TTC33: variants seen among roughly 807,000 people sequenced by gnomAD.
The protein encoded by TTC33 is tetratricopeptide repeat protein 33.
In TTC33, 24 loss-of-function variants were observed where a neutral mutation model predicts 29.4. The ratio of observed to expected loss-of-function variants is 0.82; its 90% CI spans 0.59 to 1.15. TTC33 has a LOEUF of 1.15. Among genes scored for constraint, TTC33 ranks in the 50% most tolerant of loss-of-function variants. The probability of loss-of-function intolerance (pLI) is 0.00; values close to 1 mark genes in which losing one functional copy is unlikely to be tolerated. For missense variants in TTC33, 286 were observed against 310.4 expected (o/e 0.92, Z 0.59); for synonymous variants, 107 against 100.3 (o/e 1.07, Z -0.40).
chr5:40,722,563 G>A (rs1267489552), intron 4 of TTC33, among the ~76,000 whole-genome samples: 2 of 151,080 alleles, frequency 1.3e-5, no homozygotes, highest in Admixed American at 6.6e-5. Flanking sequence ...CCGCGACCCC[G>A]TCTGGGAACT....
chr5:40,718,328 C>T (rs1285243421), intron 4 of TTC33, among the ~76,000 whole-genome samples: 1 of 152,088 alleles, frequency 6.6e-6, no homozygotes, highest in African/African-American at 2.4e-5. Context: ...ATTGTTTGAA[C>T]CCCGGAGGCA....
At chr5:40,736,879 AC>A (rs1328797695) in intron 2 of TTC33, among the ~76,000 whole-genome samples, 3 of 152,222 alleles carry the variant, frequency 2.0e-5, no homozygotes, top group African/African-American at 7.2e-5. Flanking sequence ...TACACTCTTA[AC>A]CACTATACTC....
Position 40,746,927 on chromosome 5 carries a change from T to G in TTC33, c.92A>C (p.Asp31Ala). 9.3e-6 allele frequency: 15 copies of G among 1,614,222 alleles called. No homozygotes were observed. The highest frequency in any genetic ancestry group is 1.2e-5 in the Non-Finnish European group (14 of 1,180,044). Reference sequence around the variant, plus strand: ...GTTCCCTTCATCGTTGTCAACTACATCCTTCTCATCAGCAGCTTCAGCTTC... The same window carrying G: ...GTTCCCTTCATCGTTGTCAACTACAGCCTTCTCATCAGCAGCTTCAGCTTC... ...QFEAEAADEK[D>A]VVDNDEGNWL... The change falls in exon 2 of 5, where the codon GAT (aspartate) becomes GCT (alanine). Residue 31 changes from aspartate (D) to alanine (A), a missense_variant. Physicochemically the swap from Asp to Ala is moderately radical, Grantham distance 126 (BLOSUM62 -2). Transcript: ENST00000337702.
At chr5:40,736,792 A>G (rs1263830946) in intron 2 of TTC33, among the ~76,000 whole-genome samples, 6 of 152,284 alleles carry the variant, frequency 3.9e-5, no homozygotes, top group Non-Finnish European at 7.4e-5. Context: ...AAATTGACAA[A>G]AAATAACTAC....
At chr5:40,745,856 T>A (rs1742779630) in intron 2 of TTC33, among the ~76,000 whole-genome samples, 1 of 152,050 alleles carries the variant, frequency 6.6e-6, no homozygotes, top group Non-Finnish European at 1.5e-5. Flanking sequence ...CACCTTGGCC[T>A]CCCAAAGTGC....
intron 4 of TTC33, among the ~76,000 whole-genome samples, chr5:40,727,335 G>C (rs1370331505): frequency 6.6e-6 from 1 of 152,120 alleles, no homozygotes; most frequent in Admixed American, 6.5e-5. Flanking sequence ...CTGTATATTA[G>C]ATTTGCAAAC....
At chr5:40,737,340 C>T (rs1016891793) in intron 2 of TTC33, among the ~76,000 whole-genome samples, 10 of 150,714 alleles carry the variant, frequency 6.6e-5, no homozygotes, top group African/African-American at 2.4e-4. Flanking sequence ...TACTATCCTA[C>T]AGGTGATGCA....
chr5:40,741,376 A>AAG (rs1314649708), intron 2 of TTC33, among the ~76,000 whole-genome samples: 1 of 152,212 alleles, frequency 6.6e-6, no homozygotes, highest in Non-Finnish European at 1.5e-5. Flanking sequence ...TGAATGGCTG[A>AAG]AGCTTGAATA....
chr5:40,736,210 G>A (rs765744550), intron 2 of TTC33, among the ~76,000 whole-genome samples: 27 of 152,150 alleles, frequency 1.8e-4, no homozygotes, highest in Non-Finnish European at 3.2e-4. Flanking sequence ...AGATGTGCTG[G>A]TGAGAAAATA....
At chr5:40,754,213 G>A (rs1438932331) in intron 1 of TTC33, among the ~76,000 whole-genome samples, 1 of 152,178 alleles carries the variant, frequency 6.6e-6, no homozygotes, top group Non-Finnish European at 1.5e-5. Context: ...GAGATCAGGG[G>A]CTGCAGAGGT....
intron 4 of TTC33, among the ~76,000 whole-genome samples, chr5:40,720,984 A>G (rs556472746): frequency 7.8e-4 from 119 of 152,304 alleles, no homozygotes; most frequent in Middle Eastern, 3.4e-3. Flanking sequence ...AACCACCTAC[A>G]GGAGACCAGA....
Position 40,716,273 on chromosome 5 carries a change from T to C in TTC33, c.661A>G (p.Lys221Glu), listed in dbSNP as rs767212504. ...TTATTTGCTGAAACTGTCTTCTCTT[T>C]CTCAGCAATAGCTGCACAAACAGCA... ...IVAVCAAIAE[K>E]EKTVSANKTM... is the part of the protein sequence containing the mutation. Residue 221 changes from lysine (K) to glutamate (E), a missense_variant, in exon 5 of 5, where the codon AAA becomes GAA. By Grantham distance (56) the Lys-to-Glu change is moderately conservative. Coordinates refer to ENST00000337702, the MANE Select transcript of TTC33 (RefSeq NM_012382.3). 1.9e-6 allele frequency: 3 copies of C among 1,614,240 alleles called. No individual in the cohort carries two copies. Among genetic ancestry groups the C allele is most frequent in the South Asian group, 1.1e-5 (1 of 91,084 alleles).
intron 4 of TTC33, among the ~76,000 whole-genome samples, chr5:40,722,809 G>A (rs962510452): frequency 8.6e-5 from 13 of 150,936 alleles, no homozygotes; most frequent in African/African-American, 1.5e-4. Context: ...CCGCCCATCC[G>A]GGAGGTGGGG....
intron 2 of TTC33, among the ~76,000 whole-genome samples, chr5:40,731,244 T>C (rs557228929): frequency 6.6e-6 from 1 of 152,122 alleles, no homozygotes; most frequent in South Asian, 2.1e-4. Flanking sequence ...AAGGAAAAGG[T>C]TGGACTGTTT....
intron 4 of TTC33, among the ~76,000 whole-genome samples, chr5:40,725,485 T>C (rs1035907846): frequency 1.3e-5 from 2 of 152,218 alleles, no homozygotes; most frequent in East Asian, 3.9e-4. Context: ...AGAGAAAACA[T>C]TAGTAAACAA....
chr5:40,738,195 T>C (rs1742597165), intron 2 of TTC33, among the ~76,000 whole-genome samples: 3 of 152,064 alleles, frequency 2.0e-5, no homozygotes, highest in Non-Finnish European at 4.4e-5. Flanking sequence ...GCAGATAACC[T>C]GAGGTCAGGA....
chr5:40,735,343 G>T (rs1742526446), intron 2 of TTC33, among the ~76,000 whole-genome samples: 1 of 152,094 alleles, frequency 6.6e-6, no homozygotes, highest in South Asian at 2.1e-4. Context: ...AGTAATTTAG[G>T]TATGAGATAA....
chr5:40,713,369 CA>C lies in TTC33; in HGVS notation c.*2775del, dbSNP rs926621154. On this transcript the variant is annotated 3_prime_UTR_variant, in exon 5 of 5. Coordinates refer to ENST00000337702, the MANE Select transcript of TTC33 (RefSeq NM_012382.3). ...AAACAACTAAAAGGGCTATACTGTT[CA>C]GTTATAATCTTAAAAATTCTAGCTG... 2.6e-5 allele frequency among the ~76,000 whole-genome samples: 4 copies of C among 152,094 alleles called. No homozygotes were observed. The highest frequency in any genetic ancestry group is 5.9e-5 in the Non-Finnish European group (4 of 67,998).
Position 40,716,469 on chromosome 5 carries a change from G to A in TTC33, c.465C>T (p.His155=). 1 of 1,598,900 alleles carries A rather than the reference G, an allele frequency of 6.3e-7. No individual in the cohort carries two copies. Among genetic ancestry groups the A allele is most frequent in the Non-Finnish European group, 8.5e-7 (1 of 1,174,002 alleles). The stretch of plus-strand genomic sequence containing the variant: ...ATATTTCAGGGTTCATTGGATAGAT[G>A]TGAAGGGCTACTTGAAAACTTCGAA... The part of the protein sequence containing the change: ...LAIRSFQVAL[H]IYPMNPEIWK... Residue 155 remains histidine (H), a synonymous_variant, in exon 5 of 5, where the codon CAC becomes CAT. Transcript: ENST00000337702.
Sources: gnomAD v4.1 joint callset for allele counts (sites outside exome capture counted in the v4.1 genomes callset) on GRCh38, gnomAD v4.1.1 for gene constraint, MANE v1.5 for transcripts, NCBI Gene and HGNC (gene_info 2026-07-23, HGNC 2026-07-21) for gene names.